Variants in CAMK2D observed in about 807,000 individuals in gnomAD.
CAMK2D encodes the protein calcium/calmodulin dependent protein kinase II delta, also known as calcium/calmodulin-dependent protein kinase type II subunit delta.
CAMK2D carries 37 observed loss-of-function variants against 84.0 expected under a neutral mutation model. The observed-to-expected ratio is 0.44, with a 90% CI of 0.34 to 0.58. The LOEUF (loss-of-function observed/expected upper bound fraction) is 0.58, where lower values mean the gene tolerates loss of function less well. Among genes scored for constraint, CAMK2D ranks in the 20% least tolerant of loss-of-function variants. CAMK2D has a pLI of 0.02. For missense variants in CAMK2D, 448 were observed against 652.5 expected (o/e 0.69, Z 3.41); for synonymous variants, 202 against 212.5 (o/e 0.95, Z 0.43).
At chr4:113,540,980 A>C (rs1178372774) in intron 6 of CAMK2D, among the ~76,000 whole-genome samples, 3 of 152,142 alleles carry the variant, frequency 2.0e-5, no homozygotes, top group African/African-American at 7.2e-5. Context: ...TTTCCATGAC[A>C]TCTGGTCTCA....
chr4:113,462,381 T>G (rs928897049), intron 17 of CAMK2D, among the ~76,000 whole-genome samples: 1 of 150,084 alleles, frequency 6.7e-6, no homozygotes, highest in African/African-American at 2.4e-5. Flanking sequence ...ATCATCCATC[T>G]ACCCCATAAA....
At chr4:113,467,142 C>T (rs749290178) in intron 16 of CAMK2D, among the ~76,000 whole-genome samples, 5 of 152,044 alleles carry the variant, frequency 3.3e-5, no homozygotes, top group African/African-American at 4.8e-5. Context: ...AAGAATATTG[C>T]GATATTCCCT....
chr4:113,509,946 T>C (rs1560598543), intron 12 of CAMK2D, among the ~76,000 whole-genome samples: 1 of 152,224 alleles, frequency 6.6e-6, no homozygotes, highest in Non-Finnish European at 1.5e-5. Flanking sequence ...TTGGACTTTA[T>C]TTCACTGTTG....
intron 3 of CAMK2D, among the ~76,000 whole-genome samples, chr4:113,630,235 C>T (rs1051748841): frequency 7.9e-5 from 12 of 152,194 alleles, no homozygotes; most frequent in African/African-American, 2.7e-4. Context: ...CCTTGAGAAA[C>T]ATTATCAATG....
At chr4:113,612,805 A>C (rs1166124416) in intron 3 of CAMK2D, among the ~76,000 whole-genome samples, 1 of 152,186 alleles carries the variant, frequency 6.6e-6, no homozygotes, top group Admixed American at 6.5e-5. Flanking sequence ...TTAAGTATGG[A>C]ATTTATAAGG....
At chr4:113,636,957 A>G (rs1472705845) in intron 3 of CAMK2D, among the ~76,000 whole-genome samples, 2 of 152,034 alleles carry the variant, frequency 1.3e-5, no homozygotes, top group African/African-American at 4.8e-5. Flanking sequence ...ACACCACACT[A>G]TGCTGCATGG....
chr4:113,508,720 G>A (rs2154158928), intron 13 of CAMK2D, among the ~76,000 whole-genome samples: 1 of 152,290 alleles, frequency 6.6e-6, no homozygotes, highest in East Asian at 1.9e-4. Flanking sequence ...GTTGCACACA[G>A]ACAGGTGGTA....
At chr4:113,557,613 T>C (rs1459077524) in intron 4 of CAMK2D, among the ~76,000 whole-genome samples, 1 of 152,236 alleles carries the variant, frequency 6.6e-6, no homozygotes, top group Non-Finnish European at 1.5e-5. Flanking sequence ...TAATAATGAA[T>C]TCAGGGCTGT....
At chr4:113,659,945 T>C (rs992795504) in intron 3 of CAMK2D, among the ~76,000 whole-genome samples, 2 of 152,200 alleles carry the variant, frequency 1.3e-5, no homozygotes, top group African/African-American at 4.8e-5. Context: ...AATTTGCCAG[T>C]GTTACAATTT....
intron 2 of CAMK2D, among the ~76,000 whole-genome samples, chr4:113,729,126 C>T (rs1489377187): frequency 6.6e-6 from 1 of 152,154 alleles, no homozygotes; most frequent in African/African-American, 2.4e-5. Flanking sequence ...TAACAAACAA[C>T]CTCCCGCCTA....
Position 113,761,275 on chromosome 4 carries a change from C to G in CAMK2D, c.-207G>C. ...AAAGGGTGGCGTGGGGTCTCCTCCC[C>G]ACAGTCCGCCGATCCTCCTCCTCCT... is the stretch of plus-strand genomic sequence containing the variant. On this transcript the variant is annotated 5_prime_UTR_variant, in exon 1 of 21. Transcript: ENST00000511664. The G allele has an allele frequency of 7.0e-7, 1 of 1,435,102 alleles. No homozygotes were observed. Among genetic ancestry groups the G allele is most frequent in the Non-Finnish European group, 9.1e-7 (1 of 1,098,096 alleles). The allele number at this position is 1,435,102 out of a possible 1,614,324, so 88.9% of individuals were successfully genotyped here. A position where few individuals can be genotyped will look rare whatever the true frequency, so the allele number is the denominator to read the frequency against.
intron 2 of CAMK2D, among the ~76,000 whole-genome samples, chr4:113,705,083 T>C (rs1431930731): frequency 6.6e-6 from 1 of 151,194 alleles, no homozygotes; most frequent in African/African-American, 2.4e-5. Context: ...GGCTCACGCC[T>C]GTAATCCCAG....
chr4:113,514,996 T>A, intron 10 of CAMK2D, 73 bp downstream of exon 10: 1 of 1,339,380 alleles, frequency 7.5e-7, no homozygotes, highest in Non-Finnish European at 1.1e-6. Context: ...CTATTTTAAA[T>A]CCATAAACAA....
Position 113,471,737 on chromosome 4 carries a change from C to G in CAMK2D, c.1136-6133G>C, listed in dbSNP as rs541397109. Among the ~76,000 whole-genome samples, 11 of 152,240 alleles carry G rather than the reference C, an allele frequency of 7.2e-5. No homozygotes were observed. The East Asian group carries it at 1.9e-3, about 27-fold the overall frequency. ...TCCCAGGTCTCCCACACCGGCCTCTCTCACTCCTCACTGTTGCAGAATCAT... is the reference window on the plus strand; with the variant it reads ...TCCCAGGTCTCCCACACCGGCCTCTGTCACTCCTCACTGTTGCAGAATCAT... On this transcript the variant is annotated intron_variant, in intron 16 of 20. Transcript: ENST00000511664.
At chr4:113,592,742 A>G (rs1166002253) in intron 4 of CAMK2D, among the ~76,000 whole-genome samples, 1 of 152,260 alleles carries the variant, frequency 6.6e-6, no homozygotes, top group East Asian at 1.9e-4. Flanking sequence ...TAAAAATGTA[A>G]ATTTCTAGTC....
At chr4:113,551,273 G>A (rs2098627117) in intron 5 of CAMK2D, among the ~76,000 whole-genome samples, 1 of 152,130 alleles carries the variant, frequency 6.6e-6, no homozygotes, top group Non-Finnish European at 1.5e-5. Flanking sequence ...CTAGGAAGTT[G>A]CAAATTAGAC....
Position 113,690,454 on chromosome 4 carries a change from C to A in CAMK2D, c.161-28682G>T, listed in dbSNP as rs112909980. On this transcript the variant is annotated intron_variant, in intron 2 of 20. Transcript: ENST00000511664. ...CCCAGTTGTGGGCACAAAGGTCCCC[C>A]TGAGCAGATGTGTTCCTACACTGAT... is the stretch of plus-strand genomic sequence containing the variant. Among the ~76,000 whole-genome samples the A allele has an allele frequency of 5.6e-3, 851 of 152,286 alleles. 7 individuals are homozygous for A. The highest frequency in any genetic ancestry group is 0.017 in the African/African-American group (686 of 41,560).
chr4:113,502,067 G>T (rs2098055702), intron 15 of CAMK2D, among the ~76,000 whole-genome samples: 1 of 152,060 alleles, frequency 6.6e-6, no homozygotes, highest in Admixed American at 6.6e-5. Context: ...ATTGATAAGA[G>T]TATGGAGAAG....
At chr4:113,548,662 G>A (rs2098601637) in intron 5 of CAMK2D, 7 of 1,520,642 alleles carry the variant, frequency 4.6e-6, no homozygotes, top group African/African-American at 1.4e-5. Flanking sequence ...CTGACCTTCA[G>A]GTCCCTGTGA....
Sources: allele counts gnomAD v4.1 joint callset (sites outside exome capture counted in the v4.1 genomes callset), GRCh38; gene constraint gnomAD v4.1.1; transcripts MANE v1.5; gene names NCBI Gene and HGNC (gene_info 2026-07-23, HGNC 2026-07-21).